RELN: variants seen among roughly 807,000 people sequenced by gnomAD.
RELN encodes reelin.
Under a neutral mutation model 427.6 loss-of-function variants are expected in RELN, and 108 were observed. That is an observed-to-expected ratio of 0.25 (90% CI 0.22 to 0.30). The LOEUF (loss-of-function observed/expected upper bound fraction) is 0.30, where lower values mean the gene tolerates loss of function less well. RELN is among the 10% of genes least tolerant of loss of function. The pLI is 1.00. For synonymous variants in RELN, 1,524 were observed against 1,513.4 expected (o/e 1.01, Z -0.16); for missense variants, 3,715 against 4,302.8 (o/e 0.86, Z 3.82).
chr7:103,876,884 T>C (rs1244292829), intron 2 of RELN, among the ~76,000 whole-genome samples: 2 of 152,106 alleles, frequency 1.3e-5, no homozygotes, highest in Non-Finnish European at 2.9e-5. Context: ...GCTTTCTCGA[T>C]AGAGAAAATC....
intron 2 of RELN, among the ~76,000 whole-genome samples, chr7:103,862,054 C>T (rs978314199): frequency 2.5e-4 from 38 of 152,168 alleles, no homozygotes; most frequent in African/African-American, 8.2e-4. Context: ...GGTGGCTGCC[C>T]ATCAGTTACA....
At chr7:103,838,196 G>T (rs371526179) in intron 2 of RELN, among the ~76,000 whole-genome samples, 1 of 110,164 alleles carries the variant, frequency 9.1e-6, no homozygotes, top group African/African-American at 3.6e-5. Flanking sequence ...GCGACAGAGC[G>T]AGACTTCGTC....
chr7:103,845,154 T>C (rs1345177612), intron 2 of RELN, among the ~76,000 whole-genome samples: 2 of 152,092 alleles, frequency 1.3e-5, no homozygotes, highest in Non-Finnish European at 2.9e-5. Flanking sequence ...AAATTTTTTT[T>C]TTTTTGCTAA....
intron 4 of RELN, among the ~76,000 whole-genome samples, chr7:103,770,719 T>C (rs530344794): frequency 1.2e-4 from 18 of 152,042 alleles, no homozygotes; most frequent in African/African-American, 4.1e-4. Context: ...ATATATATAA[T>C]CTATAGTGAT....
chr7:103,652,251 C>CT (rs554972597), intron 14 of RELN, among the ~76,000 whole-genome samples: 466 of 139,890 alleles, frequency 3.3e-3, no homozygotes, highest in East Asian at 0.014. Context: ...TTTTCAGTTG[C>CT]TTTTTTTTTT....
chr7:103,777,774 C>T (rs757920383), intron 3 of RELN, among the ~76,000 whole-genome samples: 2 of 152,184 alleles, frequency 1.3e-5, no homozygotes, highest in Non-Finnish European at 2.9e-5. Context: ...GTGTCAGTCC[C>T]CGTGGACCCA....
At chr7:103,513,818 G>A (rs778392961) in intron 50 of RELN, 44 of 151,968 alleles carry the variant, frequency 2.9e-4, no homozygotes, top group Non-Finnish European at 5.9e-4. Context: ...CTATAATTTT[G>A]TTAAAAATAT....
At chr7:103,633,813 T>G (rs1832521044) in intron 19 of RELN, among the ~76,000 whole-genome samples, 1 of 152,150 alleles carries the variant, frequency 6.6e-6, no homozygotes, top group Non-Finnish European at 1.5e-5. Flanking sequence ...ATTTTCTTCA[T>G]GCTTTCATCA....
intron 10 of RELN, among the ~76,000 whole-genome samples, chr7:103,689,323 A>AAT (rs397805572): frequency 6.6e-6 from 1 of 151,388 alleles, no homozygotes; most frequent in African/African-American, 2.4e-5. Flanking sequence ...AATAAAAAAA[A>AAT]TGTGGAAAGT....
chr7:103,920,593 T>TTTTTGGGGA (rs57282777), intron 1 of RELN, among the ~76,000 whole-genome samples: 1 of 129,420 alleles, frequency 7.7e-6, no homozygotes, highest in Admixed American at 7.9e-5. Flanking sequence ...TTTTTTTTTT[T>TTTTTGGGGA]GAGAGAGTCT....
intron 3 of RELN, among the ~76,000 whole-genome samples, chr7:103,817,847 A>T (rs1055058591): frequency 7.1e-6 from 1 of 141,606 alleles, no homozygotes; most frequent in African/African-American, 2.6e-5. Context: ...TGGGAGGCTG[A>T]GGCAGGAGAA....
intron 46 of RELN, among the ~76,000 whole-genome samples, chr7:103,523,884 C>T (rs577754884): frequency 1.3e-5 from 2 of 152,138 alleles, no homozygotes; most frequent in South Asian, 2.1e-4. Context: ...ACCATGTTGG[C>T]CAGGCTGGTC....
intron 22 of RELN, among the ~76,000 whole-genome samples, chr7:103,607,438 T>C (rs529541730): frequency 1.1e-4 from 16 of 152,288 alleles, no homozygotes; most frequent in Non-Finnish European, 1.6e-4. Flanking sequence ...TTGCTGTGTC[T>C]CTCCCTCAAT....
intron 46 of RELN, 64 bp downstream of exon 46, chr7:103,535,252 A>G (rs1830023163): frequency 6.7e-7 from 1 of 1,495,938 alleles, no homozygotes; most frequent in Non-Finnish European, 9.3e-7. Flanking sequence ...GACATGCCAA[A>G]TGTTATCACA....
intron 20 of RELN, among the ~76,000 whole-genome samples, chr7:103,624,688 A>G (rs1050190424): frequency 3.9e-5 from 6 of 152,162 alleles, no homozygotes; most frequent in African/African-American, 1.4e-4. Context: ...TCGGCCTCCC[A>G]TTGGGATGAC....
chr7:103,665,372 A>G (rs981779712), intron 11 of RELN, among the ~76,000 whole-genome samples: 5 of 151,108 alleles, frequency 3.3e-5, no homozygotes, highest in African/African-American at 1.2e-4. Flanking sequence ...GTATATATAT[A>G]TATATATATA....
At chr7:103,782,606 T>C (rs1791919581) in intron 3 of RELN, among the ~76,000 whole-genome samples, 2 of 152,172 alleles carry the variant, frequency 1.3e-5, no homozygotes, top group South Asian at 4.1e-4. Flanking sequence ...TTTGAACATA[T>C]GAAGGAATCA....
intron 2 of RELN, among the ~76,000 whole-genome samples, chr7:103,837,834 A>G (rs1166907191): frequency 6.6e-6 from 1 of 152,136 alleles, no homozygotes; most frequent in African/African-American, 2.4e-5. Context: ...TTATATCCCA[A>G]GTGCCTGCCA....
At chr7:103,756,577 T>C (rs1464349169) in intron 4 of RELN, among the ~76,000 whole-genome samples, 2 of 152,184 alleles carry the variant, frequency 1.3e-5, no homozygotes. Flanking sequence ...ATATATTTTA[T>C]GATATTTCAG....
Sources: gnomAD v4.1 joint callset for allele counts (sites outside exome capture counted in the v4.1 genomes callset) on GRCh38, gnomAD v4.1.1 for gene constraint, MANE v1.5 for transcripts, NCBI Gene and HGNC (gene_info 2026-07-23, HGNC 2026-07-21) for gene names.